CCPG1: variants seen among roughly 807,000 people sequenced by gnomAD.
CCPG1 encodes cell cycle progression 1.
A neutral mutation model predicts 81.3 loss-of-function variants in CCPG1; 46 were observed. The observed-to-expected ratio is 0.57, with a 90% CI of 0.45 to 0.72. The LOEUF (loss-of-function observed/expected upper bound fraction) is 0.72, where lower values mean the gene tolerates loss of function less well. Ranked by LOEUF, CCPG1 falls within the 30% of genes least tolerant of loss-of-function variation. CCPG1 has a pLI of 0.00. For missense variants in CCPG1, 902 were observed against 937.6 expected, an observed-to-expected ratio of 0.96 and a Z score of 0.50; for synonymous variants, 330 against 305.2, an observed-to-expected ratio of 1.08 and a Z score of -0.85.
chr15:55,358,741 G>A, intron 8 of CCPG1: 3 of 985,340 alleles, frequency 3.0e-6, no homozygotes, highest in Non-Finnish European at 3.6e-6. Flanking sequence ...CTCCTTTGAA[G>A]CAAAAATTTT....
Position 55,362,688 on chromosome 15 carries a change from C to T in CCPG1, c.829-1744G>A, listed in dbSNP as rs1324107863. Among the ~76,000 whole-genome samples the T allele has an allele frequency of 2.0e-5, 3 of 152,080 alleles. No homozygotes were observed. The East Asian group carries it at 5.8e-4, about 29-fold the overall frequency. On this transcript the variant is annotated intron_variant, in intron 7 of 8. Coordinates refer to ENST00000442196, the MANE Select transcript of CCPG1 (RefSeq NM_001204450.2). ...ATAAGCAGATCCTGACCAGGTCTTC[C>T]AAAGAGCTTCAAAATCTATCTGATC...
In CCPG1 at chr15:55,402,839, C is replaced by G. The variant is rs1308100234; in HGVS notation, c.-10+5382G>C. ...CAAACTAGACTGATGACCATTCTTA[C>G]ACTTATAGAAGTGAGATTAAAACAA... On this transcript the variant is annotated intron_variant, in intron 1 of 8. Transcript: ENST00000442196. Among the ~76,000 whole-genome samples the G allele has an allele frequency of 2.6e-5, 4 of 152,152 alleles. 1 individual carries two copies. Among genetic ancestry groups the G allele is most frequent in the Non-Finnish European group, 5.9e-5 (4 of 68,034 alleles).
At chr15:55,392,428 A>G (rs1462412627) in intron 1 of CCPG1, among the ~76,000 whole-genome samples, 2 of 151,810 alleles carry the variant, frequency 1.3e-5, no homozygotes, top group African/African-American at 4.8e-5. Flanking sequence ...ACTAAAGGCC[A>G]GGAGATTCTC....
intron 1 of CCPG1, chr15:55,408,007 G>A (rs2057271258): frequency 6.6e-6 from 1 of 152,282 alleles, no homozygotes; most frequent in Admixed American, 6.5e-5. Context: ...ACGCCCCAGG[G>A]TCGGCTCGGG....
At chr15:55,361,715 CAAAT>C (rs2056202524) in intron 7 of CCPG1, among the ~76,000 whole-genome samples, 1 of 147,854 alleles carries the variant, frequency 6.8e-6, no homozygotes, top group African/African-American at 2.6e-5. Flanking sequence ...AAAAAAAAAA[CAAAT>C]AAAAAATAAA....
chr15:55,392,508 G>A (rs760668269), intron 1 of CCPG1, among the ~76,000 whole-genome samples: 32 of 150,806 alleles, frequency 2.1e-4, no homozygotes, highest in African/African-American at 5.7e-4. Flanking sequence ...TGAAGCCACC[G>A]CACCTGGCCA....
chr15:55,376,910 T>C (rs2056577744), intron 5 of CCPG1, 39 bp downstream of exon 5: 1 of 1,437,350 alleles, frequency 7.0e-7, no homozygotes, highest in African/African-American at 1.4e-5. Context: ...TAAAATGTGG[T>C]CGTACATGTC....
At chr15:55,356,860 C>T in intron 8 of CCPG1, 1 of 986,676 alleles carries the variant, frequency 1.0e-6, no homozygotes. Context: ...TGTCTATGAT[C>T]AGGCTTCCGT....
chr15:55,363,799 C>CTTTTTTTTTTTTTTTTTTTT (rs565044184), intron 7 of CCPG1, among the ~76,000 whole-genome samples: 16 of 93,942 alleles, frequency 1.7e-4, no homozygotes, highest in African/African-American at 6.3e-4. Flanking sequence ...TTTCCTTTTC[C>CTTTTTTTTTTTTTTTTTTTT]TTTTTTTTTT....
chr15:55,378,781 G>C (rs1203727971), intron 3 of CCPG1, among the ~76,000 whole-genome samples: 1 of 151,990 alleles, frequency 6.6e-6, no homozygotes, highest in East Asian at 1.9e-4. Context: ...ATTTCTACTA[G>C]AGATAGGGTT....
chr15:55,381,798 C>T (rs2056702211), intron 3 of CCPG1, among the ~76,000 whole-genome samples: 1 of 98,538 alleles, frequency 1.0e-5, no homozygotes. Flanking sequence ...CATCAAATCC[C>T]ATGTGAAGTA....
intron 1 of CCPG1, among the ~76,000 whole-genome samples, chr15:55,401,692 C>G (rs1361634303): frequency 1.3e-5 from 2 of 151,362 alleles, no homozygotes; most frequent in Non-Finnish European, 2.9e-5. Flanking sequence ...CACTACTACC[C>G]TATAAACATA....
chr15:55,392,359 G>A (rs971615908), intron 1 of CCPG1, among the ~76,000 whole-genome samples: 2 of 151,728 alleles, frequency 1.3e-5, no homozygotes, highest in Non-Finnish European at 2.9e-5. Context: ...TTACAGGCAC[G>A]CGCCACCATG....
At chr15:55,389,817 G>C (rs1400242096) in intron 1 of CCPG1, among the ~76,000 whole-genome samples, 1 of 152,224 alleles carries the variant, frequency 6.6e-6, no homozygotes, top group Admixed American at 6.5e-5. Context: ...TGAAAAACAT[G>C]ACTGCAGAAA....
chr15:55,389,251 C>A (rs758260458), intron 2 of CCPG1, 114 bp downstream of exon 2: 1 of 708,578 alleles, frequency 1.4e-6, no homozygotes, highest in Non-Finnish European at 2.4e-6. Context: ...GGAAAATGTC[C>A]ATTGGAACTT....
chr15:55,390,884 T>C (rs180994900), intron 1 of CCPG1, among the ~76,000 whole-genome samples: 37 of 152,332 alleles, frequency 2.4e-4, no homozygotes, highest in Admixed American at 2.0e-3. Flanking sequence ...CATTTTGTAA[T>C]AGGCTCACCT....
intron 1 of CCPG1, among the ~76,000 whole-genome samples, chr15:55,389,805 T>A (rs1374591707): frequency 1.3e-5 from 2 of 152,148 alleles, no homozygotes; most frequent in East Asian, 3.8e-4. Context: ...AACAGTAAGG[T>A]GTGAAAAACA....
At chr15:55,367,290 T>A (rs2056350278) in intron 6 of CCPG1, among the ~76,000 whole-genome samples, 1 of 152,218 alleles carries the variant, frequency 6.6e-6, no homozygotes, top group Non-Finnish European at 1.5e-5. Context: ...CTTTGCCCAC[T>A]GGAAAATAAT....
At position 55,360,401 on chromosome 15, in the gene CCPG1, G is replaced by T. The variant is rs2056166914; in HGVS notation, c.1372C>A (p.Gln458Lys). Residue 458 changes from glutamine (Q) to lysine (K), a missense_variant, in exon 8 of 9, where the codon CAA becomes AAA. Physicochemically the swap from Gln to Lys is moderately conservative, Grantham distance 53. Around this residue, in one of 3 missense-constraint regions of CCPG1, gnomAD observed 746 missense variants for 728.6 expected, o/e 1.02. Coordinates refer to ENST00000442196, the MANE Select transcript of CCPG1 (RefSeq NM_001204450.2). ...WERLYVEAKDQNGKQGTDGKK... is the reference protein window; with the variant it reads ...WERLYVEAKDKNGKQGTDGKK... ...CCATCTGTTCCTTGTTTTCCATTTT[G>T]ATCTTTTGCCTCAACATACAATCTT... is the stretch of plus-strand genomic sequence containing the variant. 2.5e-6 allele frequency: 4 copies of T among 1,613,482 alleles called. No individual in the cohort carries two copies. The South Asian group carries it at 3.3e-5, about 13-fold the overall frequency.
Sources: gnomAD v4.1 joint callset for allele counts (sites outside exome capture counted in the v4.1 genomes callset) on GRCh38, gnomAD v4.1.1 for gene constraint, gnomAD v4.1.1 regional missense constraint, MANE v1.5 for transcripts, NCBI Gene and HGNC (gene_info 2026-07-23, HGNC 2026-07-21) for gene names.